ASTN2: variants seen among roughly 807,000 people sequenced by gnomAD.
The protein encoded by ASTN2 is astrotactin-2.
Under a neutral mutation model 139.8 loss-of-function variants are expected in ASTN2, and 54 were observed. That is an observed-to-expected ratio of 0.39 (90% CI 0.31 to 0.48). The LOEUF (loss-of-function observed/expected upper bound fraction) is 0.48, where lower values mean the gene tolerates loss of function less well. Ranked by LOEUF, ASTN2 falls within the 20% of genes least tolerant of loss-of-function variation. ASTN2 has a pLI of 0.95. For synonymous variants in ASTN2, 756 were observed against 719.5 expected (o/e 1.05, Z -0.81); for missense variants, 1,565 against 1,725.1 (o/e 0.91, Z 1.64).
chr9:116,797,239 G>C (rs1056269424), intron 13 of ASTN2, among the ~76,000 whole-genome samples: 17 of 152,238 alleles, frequency 1.1e-4, no homozygotes, highest in African/African-American at 4.1e-4. Flanking sequence ...GTGCACATTA[G>C]ATAAGAACAG....
chr9:116,981,809 A>G (rs945214378), intron 7 of ASTN2, among the ~76,000 whole-genome samples: 11 of 152,194 alleles, frequency 7.2e-5, no homozygotes, highest in Non-Finnish European at 1.5e-4. Context: ...ACATACATGT[A>G]TATGTTGTTA....
chr9:116,597,396 C>G (rs1854645571), intron 19 of ASTN2, among the ~76,000 whole-genome samples: 1 of 145,694 alleles, frequency 6.9e-6, no homozygotes, highest in South Asian at 2.3e-4. Context: ...CAATCTCCAC[C>G]TCCCAGGTTC....
intron 1 of ASTN2, among the ~76,000 whole-genome samples, chr9:117,380,129 C>T (rs114007172): frequency 2.9e-3 from 436 of 152,182 alleles, no homozygotes; most frequent in African/African-American, 8.1e-3. Context: ...GTTTTTACTC[C>T]ACAGTACTTA....
chr9:117,339,196 G>C (rs985837477), intron 1 of ASTN2, among the ~76,000 whole-genome samples: 2 of 152,140 alleles, frequency 1.3e-5, no homozygotes, highest in Admixed American at 1.3e-4. Flanking sequence ...TAGCCCATGA[G>C]GCAACTGAGG....
At chr9:116,793,627 G>A (rs1051338288) in intron 13 of ASTN2, among the ~76,000 whole-genome samples, 4 of 152,144 alleles carry the variant, frequency 2.6e-5, no homozygotes, top group Admixed American at 6.5e-5. Context: ...GGAACTTAAC[G>A]GTCCTTTGGG....
intron 4 of ASTN2, 90 bp downstream of exon 4, chr9:117,141,236 G>A (rs903304130): frequency 1.6e-6 from 2 of 1,260,912 alleles, no homozygotes; most frequent in Admixed American, 2.2e-5. Context: ...GCACAGGGAA[G>A]CAAGGGAAGA....
chr9:116,538,406 C>T (rs1037021953), intron 19 of ASTN2, among the ~76,000 whole-genome samples: 1 of 152,100 alleles, frequency 6.6e-6, no homozygotes, highest in African/African-American at 2.4e-5. Flanking sequence ...TACACTAGCA[C>T]TACTGAAAAT....
intron 3 of ASTN2, among the ~76,000 whole-genome samples, chr9:117,172,138 CA>C (rs1279097685): frequency 7.9e-5 from 12 of 151,836 alleles, no homozygotes; most frequent in Admixed American, 7.9e-4. Context: ...TAGGAAGGTA[CA>C]AAAAAATGAA....
intron 1 of ASTN2, among the ~76,000 whole-genome samples, chr9:117,380,302 A>G (rs1253832769): frequency 6.6e-6 from 1 of 152,070 alleles, no homozygotes; most frequent in African/African-American, 2.4e-5. Context: ...AGATCACAGG[A>G]TGCTATAAAA....
intron 16 of ASTN2, among the ~76,000 whole-genome samples, chr9:116,653,956 T>C (rs2131935879): frequency 6.6e-6 from 1 of 152,282 alleles, no homozygotes; most frequent in South Asian, 2.1e-4. Context: ...AACAAGGGTG[T>C]AAAGAAGGCA....
At chr9:117,024,270 G>T (rs1837985046) in intron 6 of ASTN2, among the ~76,000 whole-genome samples, 1 of 152,054 alleles carries the variant, frequency 6.6e-6, no homozygotes, top group Non-Finnish European at 1.5e-5. Flanking sequence ...TGTTTACTGG[G>T]CTCAAGACTG....
intron 10 of ASTN2, among the ~76,000 whole-genome samples, chr9:116,864,922 A>G (rs572730975): frequency 2.1e-4 from 32 of 152,278 alleles, no homozygotes; most frequent in Non-Finnish European, 3.7e-4. Context: ...TCCCAGCTCT[A>G]ATTAGATACT....
At chr9:116,864,528 G>T (rs897519895) in intron 10 of ASTN2, among the ~76,000 whole-genome samples, 2 of 152,202 alleles carry the variant, frequency 1.3e-5, no homozygotes, top group Non-Finnish European at 2.9e-5. Context: ...CTACAATGGA[G>T]GATACAGATG....
At chr9:117,243,546 T>A (rs1295583597) in intron 2 of ASTN2, among the ~76,000 whole-genome samples, 1 of 152,216 alleles carries the variant, frequency 6.6e-6, no homozygotes, top group Non-Finnish European at 1.5e-5. Context: ...CCGGAAGCCC[T>A]GCTAAGTGTT....
At position 116,819,964 on chromosome 9, in the gene ASTN2, C is replaced by T. The variant is rs905268576; in HGVS notation, c.2207+653G>A. 1.7e-4 allele frequency among the ~76,000 whole-genome samples: 26 copies of T among 152,146 alleles called. 1 individual carries two copies. Among genetic ancestry groups the T allele is most frequent in the African/African-American group, 5.6e-4 (23 of 41,424 alleles). On this transcript the variant is annotated intron_variant, in intron 12 of 22. Coordinates refer to ENST00000313400, the MANE Select transcript of ASTN2 (RefSeq NM_001365068.1). Reference sequence around the variant, plus strand: ...GTCAAACTGTGGCCCAGGGAGAGAACATGACTTGTCAGAAGTCACTCAGCA... The same window carrying T: ...GTCAAACTGTGGCCCAGGGAGAGAATATGACTTGTCAGAAGTCACTCAGCA...
intron 2 of ASTN2, among the ~76,000 whole-genome samples, chr9:117,240,012 A>G (rs1833159765): frequency 1.3e-5 from 2 of 152,246 alleles, no homozygotes; most frequent in Admixed American, 1.3e-4. Context: ...CAAAAACATC[A>G]TAAATTGAAA....
At chr9:116,557,018 C>T (rs1392831913) in intron 19 of ASTN2, among the ~76,000 whole-genome samples, 1 of 151,428 alleles carries the variant, frequency 6.6e-6, no homozygotes, top group Non-Finnish European at 1.5e-5. Flanking sequence ...GTTAGGAGAT[C>T]GAGACCATCT....
At chr9:116,847,186 G>T (rs766516460) in intron 11 of ASTN2, among the ~76,000 whole-genome samples, 1 of 152,104 alleles carries the variant, frequency 6.6e-6, no homozygotes, top group Non-Finnish European at 1.5e-5. Context: ...CACAATCTCG[G>T]CTCACTGCAA....
At chr9:116,508,001 GC>G (rs1478431584) in intron 19 of ASTN2, among the ~76,000 whole-genome samples, 1 of 152,126 alleles carries the variant, frequency 6.6e-6, no homozygotes, top group African/African-American at 2.4e-5. Flanking sequence ...CGGTTCTCCT[GC>G]CTCAGCCTCC....
Sources: gnomAD v4.1 joint callset for allele counts (sites outside exome capture counted in the v4.1 genomes callset) on GRCh38, gnomAD v4.1.1 for gene constraint, MANE v1.5 for transcripts, NCBI Gene and HGNC (gene_info 2026-07-23, HGNC 2026-07-21) for gene names.